NXPE3: variants seen among roughly 807,000 people sequenced by gnomAD.
NXPE3 encodes NXPE family member 3.
A neutral mutation model predicts 46.1 loss-of-function variants in NXPE3; 26 were observed. The ratio of observed to expected loss-of-function variants is 0.56; its 90% CI spans 0.41 to 0.78. NXPE3 has a LOEUF of 0.78. NXPE3 is among the 30% of genes least tolerant of loss of function. The pLI is 0.00. For synonymous variants in NXPE3, 272 were observed against 257.9 expected (o/e 1.05, Z -0.52); for missense variants, 620 against 686.0 (o/e 0.90, Z 1.07).
intron 6 of NXPE3, among the ~76,000 whole-genome samples, chr3:101,807,766 A>G (rs1941490601): frequency 1.3e-5 from 2 of 152,306 alleles, no homozygotes; most frequent in South Asian, 2.1e-4. Flanking sequence ...AAGATTAAAT[A>G]AAATTCAAAA....
chr3:101,780,677 A>G (rs1939764654), intron 1 of NXPE3, among the ~76,000 whole-genome samples: 1 of 152,232 alleles, frequency 6.6e-6, no homozygotes, highest in Non-Finnish European at 1.5e-5. Context: ...ATTAATGTTC[A>G]TGCAGGGTTG....
Position 101,821,421 on chromosome 3 carries a change from T to C in NXPE3, c.1147T>C (p.Leu383=), listed in dbSNP as rs368322476. The change falls in exon 8 of 8, where the codon TTG becomes CTG. Residue 383 remains leucine, a synonymous_variant. Coordinates refer to ENST00000273347, the MANE Select transcript of NXPE3 (RefSeq NM_145037.4). ...TFVPDLVEFN[L]GSPKNVGPFL... ...TGTTTCAGATTTAGTGGAGTTTAAC[T>C]TGGGTAGTCCCAAGAATGTGGGTCC... The C allele has an allele frequency of 1.2e-6, 2 of 1,613,416 alleles. No homozygotes were observed. Among genetic ancestry groups the C allele is most frequent in the Non-Finnish European group, 1.7e-6 (2 of 1,179,538 alleles).
rs532395089 is a variant in NXPE3, at chr3:101,788,118, G to T, written c.93+2429G>T. ...GGATGTGAGGTAATGTATAACAGTAGTTTTAATTTGCATTGCCATAATTAT... is the reference window on the plus strand; with the variant it reads ...GGATGTGAGGTAATGTATAACAGTATTTTTAATTTGCATTGCCATAATTAT... On this transcript the variant is annotated intron_variant, in intron 4 of 7. Transcript: ENST00000273347. Among the ~76,000 whole-genome samples the T allele has an allele frequency of 1.1e-3, 161 of 152,248 alleles. 2 individuals are homozygous for T. In the Middle Eastern group the frequency reaches 0.024, roughly 23 times the overall value.
chr3:101,801,976 G>A lies in NXPE3; in HGVS notation c.835G>A (p.Ala279Thr). The change falls in exon 5 of 8, where the codon GCT becomes ACT. Residue 279 changes from alanine to threonine, a missense_variant. Coordinates refer to ENST00000273347, the MANE Select transcript of NXPE3 (RefSeq NM_145037.4). ...AGGTCTCCTAACCGCTGCAGAGAGT[G>A]CTTTCTTCCAGAGGTATGTACTGCT... is the stretch of plus-strand genomic sequence containing the variant. ...LKGLLTAAES[A>T]FFQSGVNIKM... is the part of the protein sequence containing the mutation. The A allele has an allele frequency of 6.2e-7, 1 of 1,607,692 alleles. No individual in the cohort carries two copies. The highest frequency in any genetic ancestry group is 1.1e-5 in the South Asian group (1 of 90,766).
At chr3:101,820,325 T>C (rs1942189634) in intron 7 of NXPE3, among the ~76,000 whole-genome samples, 1 of 152,110 alleles carries the variant, frequency 6.6e-6, no homozygotes, top group Non-Finnish European at 1.5e-5. Flanking sequence ...CACAATGAAA[T>C]TGTGGTTCTC....
In NXPE3 at chr3:101,822,315, G is replaced by A. The variant is rs552650069; in HGVS notation, c.*361G>A. 4.9e-6 allele frequency: 1 copy of A among 203,014 alleles called. No homozygotes were observed. Among genetic ancestry groups the A allele is most frequent in the South Asian group, 1.1e-4 (1 of 9,520 alleles). The allele number at this position is 203,014 out of a possible 1,614,324, so 12.6% of individuals were successfully genotyped here. A position where few individuals can be genotyped will look rare whatever the true frequency, so the allele number is the denominator to read the frequency against. Reference sequence around the variant, plus strand: ...TTGATGGAAGGGACAAGTTTGGTTGGTAGTAGAGTGTTTGTAGCTTATCTG... The same window carrying A: ...TTGATGGAAGGGACAAGTTTGGTTGATAGTAGAGTGTTTGTAGCTTATCTG... On this transcript the variant is annotated 3_prime_UTR_variant, in exon 8 of 8. Transcript: ENST00000273347.
intron 4 of NXPE3, among the ~76,000 whole-genome samples, chr3:101,788,684 C>T (rs938009389): frequency 4.6e-5 from 7 of 152,216 alleles, no homozygotes; most frequent in East Asian, 1.9e-4. Context: ...AGCATGATCT[C>T]GTCTCACTGC....
chr3:101,808,709 A>G (rs1415699114), intron 6 of NXPE3, among the ~76,000 whole-genome samples: 1 of 151,220 alleles, frequency 6.6e-6, no homozygotes, highest in Non-Finnish European at 1.5e-5. Flanking sequence ...GGGCACTGCC[A>G]GTTTATATCT....
At chr3:101,813,167 G>C (rs1211111535) in intron 6 of NXPE3, among the ~76,000 whole-genome samples, 1 of 152,076 alleles carries the variant, frequency 6.6e-6, no homozygotes. Context: ...CTTATCCCAA[G>C]CTTCCTATGC....
At chr3:101,785,312 G>T in intron 3 of NXPE3, 90 bp from the exon 4 acceptor site, 1 of 349,390 alleles carries the variant, frequency 2.9e-6, no homozygotes, top group Non-Finnish European at 5.5e-6. Context: ...CCTTAGATAA[G>T]GTTAAGGAAG....
chr3:101,815,291 A>G (rs981612729), intron 6 of NXPE3, among the ~76,000 whole-genome samples: 5 of 152,170 alleles, frequency 3.3e-5, no homozygotes, highest in African/African-American at 4.8e-5. Context: ...AATCCGTTAG[A>G]TTGTCTGCCA....
chr3:101,815,185 AACTAGGTT>A (rs1941917515), intron 6 of NXPE3, among the ~76,000 whole-genome samples: 1 of 152,226 alleles, frequency 6.6e-6, no homozygotes, highest in Non-Finnish European at 1.5e-5. Context: ...TATCAAGTGT[AACTAGGTT>A]ACAACCAGGA....
At chr3:101,793,438 G>GT (rs1940630708) in intron 4 of NXPE3, among the ~76,000 whole-genome samples, 1 of 151,956 alleles carries the variant, frequency 6.6e-6, no homozygotes, top group African/African-American at 2.4e-5. Context: ...ATTGGATCTT[G>GT]TTTTTTATCT....
At chr3:101,801,077 G>A (rs575208235) in intron 4 of NXPE3, among the ~76,000 whole-genome samples, 158 bp from the exon 5 acceptor site, 10 of 152,178 alleles carry the variant, frequency 6.6e-5, no homozygotes, top group South Asian at 4.2e-4. Flanking sequence ...TTCTCTTCCC[G>A]GAAGCCCAAG....
At chr3:101,815,823 C>A (rs928967987) in intron 6 of NXPE3, among the ~76,000 whole-genome samples, 5 of 152,116 alleles carry the variant, frequency 3.3e-5, no homozygotes, top group African/African-American at 1.2e-4. Flanking sequence ...TGATGAAACC[C>A]TATCTCTACT....
At chr3:101,789,045 T>C (rs1940354199) in intron 4 of NXPE3, among the ~76,000 whole-genome samples, 2 of 152,220 alleles carry the variant, frequency 1.3e-5, no homozygotes, top group Non-Finnish European at 2.9e-5. Flanking sequence ...TTGTGTTTTA[T>C]TGATCTTTTT....
intron 6 of NXPE3, among the ~76,000 whole-genome samples, chr3:101,813,437 T>G (rs1266566866): frequency 6.6e-6 from 1 of 152,194 alleles, no homozygotes; most frequent in Non-Finnish European, 1.5e-5. Flanking sequence ...CTCTCTGCCT[T>G]TTTCTCTTTC....
chr3:101,792,879 ATTC>A (rs1204346191), intron 4 of NXPE3, among the ~76,000 whole-genome samples: 41 of 152,206 alleles, frequency 2.7e-4, no homozygotes, highest in African/African-American at 9.2e-4. Context: ...AATTATATTG[ATTC>A]TTCTTATTAA....
At chr3:101,790,825 G>A (rs1162605524) in intron 4 of NXPE3, among the ~76,000 whole-genome samples, 1 of 152,014 alleles carries the variant, frequency 6.6e-6, no homozygotes, top group African/African-American at 2.4e-5. Flanking sequence ...TGCACTCCTG[G>A]GCTCAAGTGA....
Sources: gnomAD v4.1 joint callset for allele counts (sites outside exome capture counted in the v4.1 genomes callset) on GRCh38, gnomAD v4.1.1 for gene constraint, MANE v1.5 for transcripts, NCBI Gene and HGNC (gene_info 2026-07-23, HGNC 2026-07-21) for gene names.